The following ST3GAL2 variants were observed in gnomAD, a reference collection of about 807,000 sequenced individuals.
ST3GAL2 encodes CMP-N-acetylneuraminate-beta-galactosamide-alpha-2,3-sialyltransferase 2.
ST3GAL2 carries 16 observed loss-of-function variants against 37.5 expected under a neutral mutation model. That is an observed-to-expected ratio of 0.43 (90% confidence interval 0.29 to 0.65). The LOEUF (loss-of-function observed/expected upper bound fraction) is 0.65. ST3GAL2 is among the 30% of genes least tolerant of loss of function. The pLI, the probability that ST3GAL2 is intolerant of heterozygous loss-of-function variation, is 0.17. For synonymous variants in ST3GAL2, 238 were observed against 202.9 expected, an observed-to-expected ratio of 1.17 and a Z score of -1.47; for missense variants, 383 against 487.8, an observed-to-expected ratio of 0.79 and a Z score of 2.02.
intron 1 of ST3GAL2, among the ~76,000 whole-genome samples, chr16:70,409,778 T>C (rs2047623264): frequency 6.7e-6 from 1 of 149,840 alleles, no homozygotes. Context: ...GCTAGGACCA[T>C]AGGCATACGC....
At chr16:70,420,016 C>CA (rs936547275) in intron 1 of ST3GAL2, among the ~76,000 whole-genome samples, 27 of 149,650 alleles carry the variant, frequency 1.8e-4, no homozygotes, top group East Asian at 1.2e-3. Context: ...ATTTGACCCC[C>CA]CCCTTCCCTT....
At position 70,381,749 on chromosome 16, in the gene ST3GAL2, C is replaced by T; in HGVS notation, c.993G>A (p.Glu331=). The stretch of plus-strand genomic sequence containing the variant: ...TGGCCAGCATGTCGATGATGTGGGC[C>T]TCGAAGTCCGCGTCGTGCACGCCAG... ...RKTGVHDADF[E]AHIIDMLAKA... Residue 331 remains glutamate (E), a synonymous_variant, in exon 7 of 7, where the codon GAG becomes GAA. Transcript: ENST00000342907. 1 of 1,614,096 alleles carries T rather than the reference C, an allele frequency of 6.2e-7. No individual in the cohort carries two copies. The highest frequency in any genetic ancestry group is 1.3e-5 in the African/African-American group (1 of 75,064).
intron 1 of ST3GAL2, among the ~76,000 whole-genome samples, chr16:70,401,535 C>A (rs187308966): frequency 3.2e-4 from 49 of 152,138 alleles, no homozygotes; most frequent in Admixed American, 1.4e-3. Context: ...AAAAAAAAAT[C>A]AAAGGCCCCC....
At chr16:70,405,664 G>C (rs1259896286) in intron 1 of ST3GAL2, among the ~76,000 whole-genome samples, 1 of 152,016 alleles carries the variant, frequency 6.6e-6, no homozygotes, top group Non-Finnish European at 1.5e-5. Flanking sequence ...TAGATTACCA[G>C]TTGCCAGGGG....
chr16:70,396,929 T>A (rs1331041940), intron 2 of ST3GAL2, among the ~76,000 whole-genome samples: 3 of 123,212 alleles, frequency 2.4e-5, no homozygotes, highest in South Asian at 2.9e-4. Flanking sequence ...CCCCTTCACC[T>A]CCCTTAGCCC....
rs1456876205 is a variant in ST3GAL2, at chr16:70,380,457, A to G, written c.*1232T>C. 1 of 152,272 alleles carries G rather than the reference A, an allele frequency of 6.6e-6. No homozygotes were observed. The highest frequency in any genetic ancestry group is 2.4e-5 in the African/African-American group (1 of 41,454). 9.4% of individuals were successfully genotyped at this position (152,272 alleles called of 1,614,324 possible). ...AACCTCCCCAGCTTCGAAGGGGGAG[A>G]ATTCCACCAGCAGCCCCGTCAGGGA... On this transcript the variant is annotated 3_prime_UTR_variant, in exon 7 of 7. Coordinates refer to ENST00000342907, the MANE Select transcript of ST3GAL2 (RefSeq NM_006927.4).
chr16:70,408,481 T>A (rs1427100844), intron 1 of ST3GAL2, among the ~76,000 whole-genome samples: 1 of 151,978 alleles, frequency 6.6e-6, no homozygotes, highest in Non-Finnish European at 1.5e-5. Flanking sequence ...GCGAGGCCTG[T>A]CCTTGACCTG....
At chr16:70,434,960 T>A (rs1293923618) in intron 1 of ST3GAL2, among the ~76,000 whole-genome samples, 1 of 152,216 alleles carries the variant, frequency 6.6e-6, no homozygotes, top group Non-Finnish European at 1.5e-5. Flanking sequence ...CCTGCATTTC[T>A]AAATTTCAAA....
At chr16:70,402,155 C>T (rs919085468) in intron 1 of ST3GAL2, among the ~76,000 whole-genome samples, 11 of 151,402 alleles carry the variant, frequency 7.3e-5, no homozygotes, top group African/African-American at 1.7e-4. Flanking sequence ...CAAAATTAGC[C>T]GGGCATGGTG....
At chr16:70,432,262 A>T (rs1489085663) in intron 1 of ST3GAL2, among the ~76,000 whole-genome samples, 1 of 152,228 alleles carries the variant, frequency 6.6e-6, no homozygotes, top group East Asian at 1.9e-4. Flanking sequence ...TTGGTAAAAC[A>T]GCAAACATAT....
intron 2 of ST3GAL2, among the ~76,000 whole-genome samples, chr16:70,397,462 G>A (rs934611121): frequency 3.3e-5 from 5 of 152,046 alleles, no homozygotes; most frequent in African/African-American, 1.2e-4. Context: ...GGTGGCTCAC[G>A]CCTGTAATCC....
At position 70,407,874 on chromosome 16, in the gene ST3GAL2, A is replaced by G. The variant is rs563403752; in HGVS notation, c.-1003-8341T>C. 1.1e-4 allele frequency among the ~76,000 whole-genome samples: 16 copies of G among 152,316 alleles called. No homozygotes were observed. In the South Asian group the frequency reaches 2.9e-3, roughly 28 times the overall value. ...TGAAGCACAGGATAAGCACCACCTC[A>G]GACCAGCACAGCTGAATACAACCTT... On this transcript the variant is annotated intron_variant, in intron 1 of 6. Transcript: ENST00000342907.
Position 70,435,584 on chromosome 16 carries a change from G to C in ST3GAL2, c.-1004+3365C>G, listed in dbSNP as rs2047819465. On this transcript the variant is annotated intron_variant, in intron 1 of 6. Coordinates refer to ENST00000342907, the MANE Select transcript of ST3GAL2 (RefSeq NM_006927.4). ...TTGCATTCCAGCCTGGGCAACAAGA[G>C]TGAAACTCTATCTCAAAAAATAAAA... Among the ~76,000 whole-genome samples the C allele has an allele frequency of 2.0e-5, 3 of 151,954 alleles. No homozygotes were observed. In the East Asian group the frequency reaches 5.8e-4, roughly 29 times the overall value.
chr16:70,417,989 T>A (rs1420356395), intron 1 of ST3GAL2, among the ~76,000 whole-genome samples: 1 of 152,158 alleles, frequency 6.6e-6, no homozygotes, highest in Non-Finnish European at 1.5e-5. Context: ...TGGCTGCTCA[T>A]CACTGCTTAT....
intron 3 of ST3GAL2, among the ~76,000 whole-genome samples, chr16:70,393,377 G>A (rs2047494465): frequency 1.3e-5 from 2 of 152,122 alleles, no homozygotes; most frequent in Non-Finnish European, 2.9e-5. Context: ...AGCATGTGCA[G>A]CCTTATAAAT....
intron 3 of ST3GAL2, 54 bp from the exon 4 acceptor site, chr16:70,388,600 G>A: frequency 6.6e-7 from 1 of 1,521,834 alleles, no homozygotes; most frequent in Non-Finnish European, 8.8e-7. Flanking sequence ...ACTGATACAA[G>A]ATTCTTAGAG....
intron 1 of ST3GAL2, among the ~76,000 whole-genome samples, chr16:70,405,786 C>T (rs944733166): frequency 1.1e-4 from 16 of 151,480 alleles, no homozygotes; most frequent in Non-Finnish European, 1.6e-4. Context: ...GACAGCCAGG[C>T]GCGGTGGCTC....
intron 1 of ST3GAL2, chr16:70,400,897 C>T (rs2047550649): frequency 6.6e-6 from 1 of 152,294 alleles, no homozygotes; most frequent in South Asian, 2.1e-4. Context: ...CCCAGCAGCA[C>T]TGGCTCAAAG....
chr16:70,411,423 C>T (rs370951980), intron 1 of ST3GAL2, among the ~76,000 whole-genome samples: 1 of 151,858 alleles, frequency 6.6e-6, no homozygotes, highest in Admixed American at 6.6e-5. Context: ...GAAGAAAAAG[C>T]TTCCTTTCTC....
Sources: gnomAD v4.1 joint callset for allele counts (sites outside exome capture counted in the v4.1 genomes callset) on GRCh38, gnomAD v4.1.1 for gene constraint, MANE v1.5 for transcripts, NCBI Gene and HGNC (gene_info 2026-07-23, HGNC 2026-07-21) for gene names.